RBFOX1: variants seen among roughly 807,000 people sequenced by gnomAD.
The protein encoded by RBFOX1 is RNA binding protein fox-1 homolog 1.
In RBFOX1, 8 loss-of-function variants were observed where a neutral mutation model predicts 57.7. The ratio of observed to expected loss-of-function variants is 0.14; its 90% CI spans 0.08 to 0.25. The LOEUF (loss-of-function observed/expected upper bound fraction) is 0.25. Among genes scored for constraint, RBFOX1 ranks in the 10% least tolerant of loss-of-function variants. The pLI, the probability that RBFOX1 is intolerant of heterozygous loss-of-function variation, is 1.00. For synonymous variants in RBFOX1, 326 were observed against 222.4 expected, an observed-to-expected ratio of 1.47 and a Z score of -4.15; for missense variants, 611 against 548.5, an observed-to-expected ratio of 1.11 and a Z score of -1.14.
chr16:6,865,160 T>A (rs7203099), intron 3 of RBFOX1, among the ~76,000 whole-genome samples: 9 of 151,598 alleles, frequency 5.9e-5, no homozygotes, highest in South Asian at 2.1e-4. Context: ...CCACCACCAC[T>A]CCTGGGTAAT....
At chr16:7,378,768 G>A (rs142686076) in intron 4 of RBFOX1, among the ~76,000 whole-genome samples, 160 of 152,310 alleles carry the variant, frequency 1.1e-3, no homozygotes, top group African/African-American at 3.5e-3. Context: ...AAGTACTGCA[G>A]AACACGGACA....
At chr16:7,123,141 G>A (rs1340654194) in intron 4 of RBFOX1, among the ~76,000 whole-genome samples, 5 of 152,000 alleles carry the variant, frequency 3.3e-5, no homozygotes, top group Admixed American at 6.6e-5. Context: ...ATAAGAATCT[G>A]TAAATTATGT....
At chr16:5,841,279 C>T (rs185163920) in intron 3 of RBFOX1, among the ~76,000 whole-genome samples, 6 of 152,296 alleles carry the variant, frequency 3.9e-5, no homozygotes, top group African/African-American at 1.4e-4. Context: ...AGCTGAGGAG[C>T]AGCAGAGCCA....
chr16:5,985,108 C>G (rs1052331551), intron 4 of RBFOX1, among the ~76,000 whole-genome samples: 2 of 150,546 alleles, frequency 1.3e-5, no homozygotes, highest in African/African-American at 4.9e-5. Context: ...GTCTCAGCCT[C>G]CTGAGTAGCC....
intron 1 of RBFOX1, among the ~76,000 whole-genome samples, chr16:5,340,083 A>T (rs1376241796): frequency 6.6e-6 from 1 of 152,240 alleles, no homozygotes; most frequent in African/African-American, 2.4e-5. Flanking sequence ...AAGTAGTCTT[A>T]GCTTTATAAT....
intron 4 of RBFOX1, among the ~76,000 whole-genome samples, chr16:5,967,201 C>G (rs1462297394): frequency 6.6e-6 from 1 of 152,110 alleles, no homozygotes; most frequent in Non-Finnish European, 1.5e-5. Flanking sequence ...AAAACATTTG[C>G]CAGTCCCAGG....
intron 2 of RBFOX1, among the ~76,000 whole-genome samples, chr16:6,604,141 C>T (rs1309620694): frequency 6.6e-6 from 1 of 151,960 alleles, no homozygotes; most frequent in Non-Finnish European, 1.5e-5. Context: ...TGGCAGCATC[C>T]CCTCGCCTTG....
chr16:7,653,422 C>G (rs923915166), intron 11 of RBFOX1, among the ~76,000 whole-genome samples: 7 of 152,176 alleles, frequency 4.6e-5, no homozygotes, highest in African/African-American at 1.7e-4. Context: ...AGGAGGATCA[C>G]TTGAGCCCTG....
chr16:6,365,279 A>C (rs531525347), intron 2 of RBFOX1, among the ~76,000 whole-genome samples: 198 of 150,636 alleles, frequency 1.3e-3, no homozygotes, highest in African/African-American at 4.3e-3. Context: ...TGGATGGATG[A>C]GTAGGTGGAT....
chr16:7,505,633 G>A (rs117775059), intron 4 of RBFOX1, among the ~76,000 whole-genome samples: 3,165 of 152,268 alleles, frequency 0.021, 64 homozygotes, highest in Non-Finnish European at 0.033. Context: ...TGGAAAATCA[G>A]GATGGAACAT....
intron 2 of RBFOX1, among the ~76,000 whole-genome samples, chr16:6,341,484 C>A (rs1432574567): frequency 6.6e-6 from 1 of 152,170 alleles, no homozygotes; most frequent in Admixed American, 6.5e-5. Context: ...ATAATGTTTA[C>A]TAAACAGACC....
chr16:7,487,194 C>T (rs2065638904), intron 4 of RBFOX1, among the ~76,000 whole-genome samples: 2 of 152,222 alleles, frequency 1.3e-5, no homozygotes, highest in Admixed American at 1.3e-4. Context: ...GCCACTGCGC[C>T]TTAACCACTT....
chr16:6,684,558 T>C (rs1176237076), intron 3 of RBFOX1, among the ~76,000 whole-genome samples: 1 of 152,198 alleles, frequency 6.6e-6, no homozygotes, highest in Non-Finnish European at 1.5e-5. Context: ...CAATTACTTC[T>C]AGGGCTGCAA....
intron 3 of RBFOX1, among the ~76,000 whole-genome samples, chr16:6,968,247 C>T (rs559891114): frequency 4.7e-4 from 71 of 152,204 alleles, no homozygotes; most frequent in Non-Finnish European, 8.7e-4. Context: ...TTTAACTCAG[C>T]AAAGACCCCC....
At chr16:7,540,060 T>G (rs1292344853) in intron 5 of RBFOX1, among the ~76,000 whole-genome samples, 1 of 152,212 alleles carries the variant, frequency 6.6e-6, no homozygotes, top group Non-Finnish European at 1.5e-5. Context: ...ATTATTATCA[T>G]GTATGTCATT....
intron 4 of RBFOX1, among the ~76,000 whole-genome samples, chr16:7,322,856 C>G (rs547119701): frequency 5.9e-5 from 9 of 152,276 alleles, no homozygotes; most frequent in Non-Finnish European, 1.2e-4. Flanking sequence ...CTTCTGTTTT[C>G]TCCTCCAGTG....
chr16:6,496,016 A>C (rs1476284781), intron 2 of RBFOX1, among the ~76,000 whole-genome samples: 1 of 152,220 alleles, frequency 6.6e-6, no homozygotes, highest in Admixed American at 6.5e-5. Flanking sequence ...CATCTGTTGC[A>C]GTGACAGGAC....
At chr16:6,808,178 G>A (rs370141456) in intron 3 of RBFOX1, among the ~76,000 whole-genome samples, 41 of 145,568 alleles carry the variant, frequency 2.8e-4, no homozygotes, top group South Asian at 6.5e-4. Flanking sequence ...GTGTGTGTGT[G>A]TATATATATA....
chr16:5,598,859 C>T lies in RBFOX1; in HGVS notation c.259-43C>T, dbSNP rs79513239. On this transcript the variant is annotated intron_variant, in intron 2 of 2. Coordinates refer to the RBFOX1 transcript ENST00000585867. ...AAGGTTAGAATTTTTTTCCTCAACCCGGCTTCCCCAACCTTTTTCTCTATT... is the reference window on the plus strand; with the variant it reads ...AAGGTTAGAATTTTTTTCCTCAACCTGGCTTCCCCAACCTTTTTCTCTATT... 64 of 1,422,048 alleles carry T rather than the reference C, an allele frequency of 4.5e-5. No homozygotes were observed. In the African/African-American group the frequency reaches 6.8e-4, roughly 15 times the overall value. 88.1% of individuals were successfully genotyped at this position (1,422,048 alleles called of 1,614,324 possible). A position where few individuals can be genotyped will look rare whatever the true frequency, so the allele number is the denominator to read the frequency against.
Sources: gnomAD v4.1 joint callset for allele counts (sites outside exome capture counted in the v4.1 genomes callset) on GRCh38, gnomAD v4.1.1 for gene constraint, MANE v1.5 for transcripts, NCBI Gene and HGNC (gene_info 2026-07-23, HGNC 2026-07-21) for gene names.